The following FCAR variants were observed in gnomAD, a reference collection of about 807,000 sequenced individuals.
The protein encoded by FCAR is Fc alpha receptor, also known as immunoglobulin alpha Fc receptor.
Under a neutral mutation model 27.1 loss-of-function variants are expected in FCAR, and 21 were observed. That is an observed-to-expected ratio of 0.77 (90% CI 0.55 to 1.11). The LOEUF is 1.11. Among genes scored for constraint, FCAR ranks in the 50% most tolerant of loss-of-function variants. The pLI, the probability that FCAR is intolerant of heterozygous loss-of-function variation, is 0.00. For synonymous variants in FCAR, 134 were observed against 135.8 expected, an observed-to-expected ratio of 0.99 and a Z score of 0.09; for missense variants, 404 against 358.4, an observed-to-expected ratio of 1.13 and a Z score of -1.03.
Position 54,888,006 on chromosome 19 carries a change from G to A in FCAR, c.362-1G>A. The A allele has an allele frequency of 6.2e-7, 1 of 1,610,114 alleles. No individual in the cohort carries two copies. The highest frequency in any genetic ancestry group is 1.1e-5 in the South Asian group (1 of 90,918). On this transcript the variant is annotated splice_acceptor_variant, in intron 3 of 4. Transcript: ENST00000355524. LOFTEE classifies it high-confidence loss of function. ...TAATAGCTCACTCTTTTCTCTCTTA[G>A]GCTTGTATGGCAAACCCTTCCTCTC...
At chr19:54,878,619 C>T (rs1435148491) in intron 2 of FCAR, among the ~76,000 whole-genome samples, 1 of 151,886 alleles carries the variant, frequency 6.6e-6, no homozygotes, top group Non-Finnish European at 1.5e-5. Flanking sequence ...TTCCGACTTC[C>T]GTGGCCACTG....
intron 2 of FCAR, among the ~76,000 whole-genome samples, chr19:54,883,747 G>A (rs955176244): frequency 1.3e-5 from 2 of 152,058 alleles, no homozygotes; most frequent in African/African-American, 4.8e-5. Context: ...GAAGTCAGGA[G>A]ACTGAGACCA....
chr19:54,889,890 G>A lies in FCAR; in HGVS notation c.*27G>A. ...CACCTGGAGGTGAAGGCAGAGAGGA[G>A]CCAGGACTGTGGAGTCCGACAAAGC... On this transcript the variant is annotated 3_prime_UTR_variant, in exon 5 of 5. Coordinates refer to ENST00000355524, the MANE Select transcript of FCAR (RefSeq NM_002000.4). 1.3e-6 allele frequency: 2 copies of A among 1,535,278 alleles called. No individual in the cohort carries two copies. The highest frequency in any genetic ancestry group is 1.8e-6 in the Non-Finnish European group (2 of 1,122,320).
At position 54,881,484 on chromosome 19, in the gene FCAR, A is replaced by C. The variant is rs587713390; in HGVS notation, c.71-3751A>C. ...AGAGGGTGGGGCTGTTGTGCCGCGG[A>C]ATCAAGCTGGGGCTTGTTGAAGAGC... On this transcript the variant is annotated intron_variant, in intron 2 of 4. Transcript: ENST00000355524. Among the ~76,000 whole-genome samples, 986 of 151,984 alleles carry C rather than the reference A, an allele frequency of 6.5e-3. 10 individuals are homozygous for C. Among genetic ancestry groups the C allele is most frequent in the Non-Finnish European group, 8.1e-3 (548 of 67,936 alleles).
chr19:54,878,582 T>C (rs189016545), intron 2 of FCAR, among the ~76,000 whole-genome samples: 1 of 152,086 alleles, frequency 6.6e-6, no homozygotes, highest in East Asian at 1.9e-4. Context: ...GATTCAGCAG[T>C]TGGGCTATTA....
At chr19:54,883,830 G>A (rs587651286) in intron 2 of FCAR, among the ~76,000 whole-genome samples, 29 of 152,204 alleles carry the variant, frequency 1.9e-4, no homozygotes, top group Admixed American at 3.9e-4. Flanking sequence ...GGTGGCGGGC[G>A]CCTGTAGTCC....
chr19:54,883,882 G>C (rs1028529701), intron 2 of FCAR, among the ~76,000 whole-genome samples: 1 of 152,118 alleles, frequency 6.6e-6, no homozygotes, highest in Non-Finnish European at 1.5e-5. Flanking sequence ...GTGTGAACCC[G>C]GGAGGCGGAG....
chr19:54,885,123 A>G, intron 2 of FCAR, 112 bp from the exon 3 acceptor site: 1 of 979,406 alleles, frequency 1.0e-6, no homozygotes, highest in South Asian at 1.7e-5. Flanking sequence ...TTTTTTAAAT[A>G]AAGAATGGTA....
rs748875337 is a variant in FCAR at position 54,874,263 on chromosome 19, C to T, written c.-27C>T. ...CTGCTAATGTGCATTGAAAGGAGAG[C>T]AACGGGGCTGAGGCCGTGTCAGCAC... On this transcript the variant is annotated 5_prime_UTR_variant, in exon 1 of 5. Transcript: ENST00000355524. 1.9e-6 allele frequency: 3 copies of T among 1,613,720 alleles called. No individual in the cohort carries two copies. Among genetic ancestry groups the T allele is most frequent in the Non-Finnish European group, 8.5e-7 (1 of 1,179,722 alleles).
intron 2 of FCAR, among the ~76,000 whole-genome samples, chr19:54,876,224 T>C (rs1429964206): frequency 6.6e-6 from 1 of 152,214 alleles, no homozygotes; most frequent in Non-Finnish European, 1.5e-5. Flanking sequence ...GATTAAGAAG[T>C]GTTTGGGCAG....
intron 2 of FCAR, among the ~76,000 whole-genome samples, chr19:54,882,723 GCC>G (rs1365222476): frequency 6.6e-6 from 1 of 152,114 alleles, no homozygotes; most frequent in African/African-American, 2.4e-5. Flanking sequence ...ACAGGTGTGA[GCC>G]ACCGCGCCCG....
chr19:54,875,396 T>G (rs763057330), intron 2 of FCAR, 31 bp downstream of exon 2: 5 of 1,599,502 alleles, frequency 3.1e-6, no homozygotes, highest in Non-Finnish European at 4.3e-6. Context: ...TCCCAGCCCC[T>G]TTAGACCCTC....
chr19:54,885,613 AC>A, intron 3 of FCAR, 88 bp downstream of exon 3: 2 of 1,058,298 alleles, frequency 1.9e-6, no homozygotes, highest in African/African-American at 1.6e-5. Flanking sequence ...AGATTTACAA[AC>A]AAAAAAAAAT....
At chr19:54,887,553 G>A (rs587662154) in intron 3 of FCAR, among the ~76,000 whole-genome samples, 1 of 151,884 alleles carries the variant, frequency 6.6e-6, no homozygotes, top group Non-Finnish European at 1.5e-5. Flanking sequence ...CCTCGGAGGT[G>A]GAGGTTGCAG....
intron 2 of FCAR, among the ~76,000 whole-genome samples, chr19:54,879,260 G>A (rs2066279095): frequency 6.6e-6 from 1 of 152,130 alleles, no homozygotes; most frequent in African/African-American, 2.4e-5. Context: ...GCATTTACAT[G>A]TGCAGATTTT....
chr19:54,885,770 C>A (rs1424287690), intron 3 of FCAR, among the ~76,000 whole-genome samples: 2 of 152,194 alleles, frequency 1.3e-5, no homozygotes, highest in Admixed American at 1.3e-4. Flanking sequence ...TTTACATTTT[C>A]TTAGTTTTTA....
Position 54,889,748 on chromosome 19 carries a change from A to G in FCAR, c.749A>G (p.His250Arg). 3 of 1,614,032 alleles carry G rather than the reference A, an allele frequency of 1.9e-6. No individual in the cohort carries two copies. The highest frequency in any genetic ancestry group is 2.5e-6 in the Non-Finnish European group (3 of 1,179,970). Residue 250 changes from histidine (H) to arginine (R), a missense_variant, in exon 5 of 5, where the codon CAC (histidine) becomes CGC (arginine). By Grantham distance (29) the His-to-Arg change is conservative. Transcript: ENST00000355524. The part of the protein sequence containing the change: ...ALLAILVENW[H>R]SHTALNKEAS... ...TTGGCCATACTGGTTGAAAATTGGC[A>G]CAGCCATACGGCACTGAACAAGGAA...
chr19:54,888,695 A>G, intron 4 of FCAR: 1 of 579,200 alleles, frequency 1.7e-6, no homozygotes, highest in Non-Finnish European at 2.2e-6. Flanking sequence ...CCACACAGAC[A>G]GGGTTTCACC....
intron 3 of FCAR, among the ~76,000 whole-genome samples, chr19:54,886,732 C>T (rs2145920958): frequency 6.6e-6 from 1 of 152,302 alleles, no homozygotes; most frequent in East Asian, 1.9e-4. Flanking sequence ...GCTGTCACAG[C>T]TTCTCAGATG....
Sources: gnomAD v4.1 joint callset for allele counts (sites outside exome capture counted in the v4.1 genomes callset) on GRCh38, gnomAD v4.1.1 for gene constraint, MANE v1.5 for transcripts, NCBI Gene and HGNC (gene_info 2026-07-23, HGNC 2026-07-21) for gene names.